RARB: variants seen among roughly 807,000 people sequenced by gnomAD.
The protein encoded by RARB is HBV-activated protein.
In RARB, 17 loss-of-function variants were observed where a neutral mutation model predicts 51.9. The observed-to-expected ratio is 0.33, with a 90% CI of 0.22 to 0.49. The LOEUF (loss-of-function observed/expected upper bound fraction) is 0.49, where lower values mean the gene tolerates loss of function less well. Ranked by LOEUF, RARB falls within the 20% of genes least tolerant of loss-of-function variation. The pLI, the probability that RARB is intolerant of heterozygous loss-of-function variation, is 0.99. For missense variants in RARB, 369 were observed against 550.8 expected (o/e 0.67, Z 3.30); for synonymous variants, 215 against 195.4 (o/e 1.10, Z -0.84).
At chr3:25,506,202 G>A (rs1367039459) in intron 3 of RARB, among the ~76,000 whole-genome samples, 3 of 136,250 alleles carry the variant, frequency 2.2e-5, no homozygotes, top group Non-Finnish European at 3.0e-5. Context: ...GCAATAAGCC[G>A]AGATCGCACC....
chr3:24,834,684 G>T (rs1254130444), intron 1 of RARB, among the ~76,000 whole-genome samples: 1 of 152,118 alleles, frequency 6.6e-6, no homozygotes, highest in Admixed American at 6.5e-5. Flanking sequence ...TCATTCAGTG[G>T]TATCATTGGA....
At chr3:25,324,041 A>T (rs1011888618) in intron 5 of RARB, 1 of 148,596 alleles carries the variant, frequency 6.7e-6, no homozygotes, top group African/African-American at 2.6e-5. Flanking sequence ...AGTGGAAGAA[A>T]ATCAAGAAAA....
chr3:24,947,567 C>T (rs907606672), intron 2 of RARB, among the ~76,000 whole-genome samples: 9 of 152,104 alleles, frequency 5.9e-5, no homozygotes, highest in African/African-American at 1.2e-4. Context: ...TGGAGTTCCA[C>T]GGGGATACAT....
chr3:24,875,269 C>G (rs940987786), intron 2 of RARB, among the ~76,000 whole-genome samples: 2 of 152,142 alleles, frequency 1.3e-5, no homozygotes, highest in African/African-American at 4.8e-5. Context: ...TCTAGGAAAT[C>G]TCTGCTGTAT....
chr3:25,197,713 C>G (rs1202788940), intron 5 of RARB, among the ~76,000 whole-genome samples: 2 of 151,290 alleles, frequency 1.3e-5, no homozygotes, highest in African/African-American at 4.9e-5. Flanking sequence ...AAATAAAATA[C>G]CTAGGAGTAA....
chr3:25,419,330 AT>A (rs773425497), intron 5 of RARB, among the ~76,000 whole-genome samples: 1 of 152,132 alleles, frequency 6.6e-6, no homozygotes, highest in Non-Finnish European at 1.5e-5. Flanking sequence ...AAAGTGCCAT[AT>A]TTTGGGGTAG....
rs535200989 is a variant in RARB, at chr3:25,040,997, C to T, written c.-379-19128C>T. Among the ~76,000 whole-genome samples, 3 of 152,218 alleles carry T rather than the reference C, an allele frequency of 2.0e-5. No individual in the cohort carries two copies. The East Asian group carries it at 5.8e-4, about 29-fold the overall frequency. The stretch of plus-strand genomic sequence containing the variant: ...TCATGCTGTATCAACGGAAATCCAC[C>T]ACAGTCTCTGCCATAAAGAAGGTAC... On this transcript the variant is annotated intron_variant, in intron 2 of 11. Coordinates refer to the RARB transcript ENST00000383772.
intron 2 of RARB, among the ~76,000 whole-genome samples, chr3:24,958,113 A>G (rs947839045): frequency 3.3e-5 from 5 of 152,154 alleles, no homozygotes; most frequent in African/African-American, 1.2e-4. Context: ...ACACTCCAGC[A>G]GGGCTCTTGG....
At chr3:25,000,510 T>C (rs1057444795) in intron 2 of RARB, among the ~76,000 whole-genome samples, 11 of 152,166 alleles carry the variant, frequency 7.2e-5, no homozygotes, top group Admixed American at 2.6e-4. Flanking sequence ...TAACTACTTC[T>C]TTGACCTGCG....
intron 2 of RARB, among the ~76,000 whole-genome samples, chr3:24,943,992 T>G (rs538803076): frequency 1.3e-5 from 2 of 152,212 alleles, no homozygotes; most frequent in Non-Finnish European, 2.9e-5. Context: ...AATAATATTG[T>G]GAATAACACT....
chr3:25,424,839 T>C (rs772356524), upstream of RARB, among the ~76,000 whole-genome samples: 23 of 152,330 alleles, frequency 1.5e-4, no homozygotes, highest in Middle Eastern at 3.4e-3. Flanking sequence ...GCATGATTCA[T>C]GGTGTTTCTT....
chr3:25,121,220 G>A (rs893663391), intron 3 of RARB, among the ~76,000 whole-genome samples: 3 of 152,098 alleles, frequency 2.0e-5, no homozygotes, highest in Non-Finnish European at 4.4e-5. Context: ...GGAAAAGGGA[G>A]AATTTTCAGG....
At chr3:25,196,114 A>C (rs1416434111) in intron 5 of RARB, among the ~76,000 whole-genome samples, 1 of 152,002 alleles carries the variant, frequency 6.6e-6, no homozygotes, top group Non-Finnish European at 1.5e-5. Context: ...GTACCTGTGC[A>C]CAAAGTACAG....
intron 2 of RARB, among the ~76,000 whole-genome samples, chr3:24,975,925 C>G (rs1696501775): frequency 6.6e-6 from 1 of 152,194 alleles, no homozygotes; most frequent in Non-Finnish European, 1.5e-5. Context: ...CCCTAGCCCT[C>G]CACCCAACAA....
At chr3:24,855,708 C>T (rs1248804323) in intron 1 of RARB, among the ~76,000 whole-genome samples, 4 of 150,182 alleles carry the variant, frequency 2.7e-5, no homozygotes, top group African/African-American at 7.4e-5. Flanking sequence ...AGCAGATTTT[C>T]GGTCTCAGCC....
intron 3 of RARB, among the ~76,000 whole-genome samples, chr3:25,508,894 TAA>T (rs11369682): frequency 4.1e-5 from 6 of 146,764 alleles, no homozygotes; most frequent in Non-Finnish European, 9.0e-5. Context: ...TTAGGAGATT[TAA>T]AAAAAAAAAA....
At chr3:25,190,004 A>G (rs77033437) in intron 5 of RARB, among the ~76,000 whole-genome samples, 3 of 152,070 alleles carry the variant, frequency 2.0e-5, no homozygotes, top group African/African-American at 7.2e-5. Flanking sequence ...AACTGAATGA[A>G]GTAATGTTTA....
Position 25,430,400 on chromosome 3 carries a change from G to T in RARB, c.157+1512G>T, listed in dbSNP as rs527451233. Reference sequence around the variant, plus strand: ...ATTTCTGTTGGAATCCCAGGGAACTGGGGCTCTCTGAAACTTTTTCTTGTT... The same window carrying T: ...ATTTCTGTTGGAATCCCAGGGAACTTGGGCTCTCTGAAACTTTTTCTTGTT... On this transcript the variant is annotated intron_variant, in intron 1 of 7. Transcript: ENST00000330688. Among the ~76,000 whole-genome samples, 6 of 152,292 alleles carry T rather than the reference G, an allele frequency of 3.9e-5. No homozygotes were observed. The South Asian group carries it at 1.2e-3, about 32-fold the overall frequency.
intron 2 of RARB, among the ~76,000 whole-genome samples, chr3:25,032,873 T>TA (rs971499545): frequency 7.9e-5 from 12 of 152,118 alleles, no homozygotes; most frequent in Non-Finnish European, 1.5e-4. Flanking sequence ...GCAATGTTTA[T>TA]AAAAAAATAG....
Sources: gnomAD v4.1 joint callset for allele counts (sites outside exome capture counted in the v4.1 genomes callset) on GRCh38, gnomAD v4.1.1 for gene constraint, MANE v1.5 for transcripts, NCBI Gene and HGNC (gene_info 2026-07-23, HGNC 2026-07-21) for gene names.